The following ASH2L variants were observed in gnomAD, a reference collection of about 807,000 sequenced individuals.
ASH2L encodes the protein ASH2 like, histone lysine methyltransferase complex subunit.
In ASH2L, 30 loss-of-function variants were observed where a neutral mutation model predicts 81.1. The ratio of observed to expected loss-of-function variants is 0.37; its 90% CI spans 0.28 to 0.50. The LOEUF (loss-of-function observed/expected upper bound fraction) is 0.50, where lower values mean the gene tolerates loss of function less well. ASH2L is among the 20% of genes least tolerant of loss of function. The pLI is 0.95. For missense variants in ASH2L, 559 were observed against 792.1 expected (o/e 0.71, Z 3.53); for synonymous variants, 273 against 279.9 (o/e 0.98, Z 0.24).
intron 10 of ASH2L, among the ~76,000 whole-genome samples, chr8:38,127,606 C>T (rs1036092713): frequency 2.6e-5 from 4 of 151,064 alleles, no homozygotes; most frequent in Non-Finnish European, 4.4e-5. Context: ...ATTAGCTGGG[C>T]GTGGTGGTGG....
intron 12 of ASH2L, among the ~76,000 whole-genome samples, chr8:38,130,536 A>AT (rs1802016296): frequency 6.6e-6 from 1 of 151,810 alleles, no homozygotes; most frequent in South Asian, 2.1e-4. Context: ...ATATTCTCCC[A>AT]TGTTTTCCTT....
At chr8:38,108,997 G>C (rs1171466989) in intron 3 of ASH2L, among the ~76,000 whole-genome samples, 1 of 152,064 alleles carries the variant, frequency 6.6e-6, no homozygotes, top group African/African-American at 2.4e-5. Context: ...TGGGAGGATT[G>C]CTTAAGCCCT....
At chr8:38,134,519 T>G (rs1802179912) in intron 13 of ASH2L, among the ~76,000 whole-genome samples, 2 of 152,098 alleles carry the variant, frequency 1.3e-5, no homozygotes, top group South Asian at 4.1e-4. Context: ...TTTCTCTGCC[T>G]CCACTTCCGG....
intron 12 of ASH2L, among the ~76,000 whole-genome samples, chr8:38,130,736 T>C (rs1282077847): frequency 6.6e-6 from 1 of 152,094 alleles, no homozygotes; most frequent in Non-Finnish European, 1.5e-5. Flanking sequence ...TTAGCTGGGA[T>C]TACAGGCACC....
In ASH2L at chr8:38,128,732, TC is replaced by T. The variant is rs1335967166; in HGVS notation, c.1334-24del. 3.1e-6 allele frequency: 5 copies of T among 1,594,108 alleles called. No homozygotes were observed. In the South Asian group the frequency reaches 5.8e-5, roughly 18 times the overall value. On this transcript the variant is annotated intron_variant, in intron 11 of 15. Coordinates refer to ENST00000343823, the MANE Select transcript of ASH2L (RefSeq NM_004674.5). The stretch of plus-strand genomic sequence containing the variant: ...AGATTTGACTTGCAATCTTCTGACT[TC>T]CTGTGTATGTTTTTATTGGGACAGG...
intron 10 of ASH2L, among the ~76,000 whole-genome samples, chr8:38,126,142 G>A (rs1801836168): frequency 6.6e-6 from 1 of 151,810 alleles, no homozygotes; most frequent in African/African-American, 2.4e-5. Context: ...GCCAGAGGTT[G>A]CAGTGAGCCG....
At chr8:38,129,185 A>C (rs1455073070) in intron 12 of ASH2L, among the ~76,000 whole-genome samples, 1 of 152,214 alleles carries the variant, frequency 6.6e-6, no homozygotes, top group African/African-American at 2.4e-5. Context: ...AAAATGACAG[A>C]CATCAGGACA....
chr8:38,110,305 C>G (rs1272408038), intron 3 of ASH2L, 74 bp from the exon 4 acceptor site: 7 of 1,158,318 alleles, frequency 6.0e-6, no homozygotes, highest in East Asian at 2.3e-5. Flanking sequence ...GAGTGAGAGC[C>G]TGTCTTTAAA....
At chr8:38,124,978 CAG>C (rs2130539173) in intron 10 of ASH2L, among the ~76,000 whole-genome samples, 1 of 152,270 alleles carries the variant, frequency 6.6e-6, no homozygotes, top group Admixed American at 6.5e-5. Context: ...GGAAGCAAGA[CAG>C]GGAGGGAGGT....
rs762306891 is a variant in ASH2L, at chr8:38,105,638, G to C, written c.88G>C (p.Gly30Arg). 4 of 1,602,252 alleles carry C rather than the reference G, an allele frequency of 2.5e-6. No homozygotes were observed. The highest frequency in any genetic ancestry group is 2.3e-5 in the East Asian group (1 of 44,346). The change falls in exon 1 of 16, where the codon GGG becomes CGG. Residue 30 changes from glycine (G) to arginine (R), a missense_variant. Physicochemically the swap from Gly to Arg is moderately radical, Grantham distance 125. Coordinates refer to ENST00000343823, the MANE Select transcript of ASH2L (RefSeq NM_004674.5). The part of the protein sequence containing the change: ...AVANATGAEE[G>R]EMKPVAAGAA... The stretch of plus-strand genomic sequence containing the variant: ...CGCAAATGCAACAGGGGCAGAAGAG[G>C]GGGAGATGAAGCCGGTGGCAGCGGG...
intron 1 of ASH2L, 25 bp from the exon 2 acceptor site, chr8:38,106,353 C>T (rs754549500): frequency 6.2e-7 from 1 of 1,610,170 alleles, no homozygotes; most frequent in Non-Finnish European, 8.5e-7. Flanking sequence ...AGAATTCTTA[C>T]TTGAGCGCTT....
At position 38,105,663 on chromosome 8, in the gene ASH2L, G is replaced by A; in HGVS notation, c.113G>A (p.Gly38Glu). The change falls in exon 1 of 16, where the codon GGA (glycine) becomes GAA (glutamate). Residue 38 changes from glycine to glutamate, a missense_variant. By Grantham distance (98) the Gly-to-Glu change is moderately conservative. Around this residue, in one of 4 missense-constraint regions of ASH2L, gnomAD observed 145 missense variants for 115.5 expected, o/e 1.26. Coordinates refer to ENST00000343823, the MANE Select transcript of ASH2L (RefSeq NM_004674.5). ...GGGGAGATGAAGCCGGTGGCAGCGG[G>A]AGCAGCCGCTCCTCCTGGAGAGGGG... The part of the protein sequence containing the change: ...EEGEMKPVAA[G>E]AAAPPGEGIS... 6.3e-7 allele frequency: 1 copy of A among 1,592,392 alleles called. No individual in the cohort carries two copies. Among genetic ancestry groups the A allele is most frequent in the Non-Finnish European group, 8.5e-7 (1 of 1,171,136 alleles).
intron 10 of ASH2L, chr8:38,124,249 C>T (rs1801742871): frequency 6.6e-6 from 1 of 152,010 alleles, no homozygotes; most frequent in Admixed American, 6.6e-5. Flanking sequence ...TTCTGTCACC[C>T]AGGCTGGAGT....
chr8:38,123,082 CTTTTTT>C (rs59410420), intron 10 of ASH2L, among the ~76,000 whole-genome samples: 6 of 100,914 alleles, frequency 5.9e-5, no homozygotes, highest in South Asian at 3.6e-4. Context: ...TTCAGAATTT[CTTTTTT>C]TTTTTTTTTT....
intron 10 of ASH2L, among the ~76,000 whole-genome samples, chr8:38,125,993 C>A (rs746926739): frequency 4.2e-4 from 64 of 152,022 alleles, no homozygotes; most frequent in Non-Finnish European, 5.9e-4. Flanking sequence ...AACCGGAGGT[C>A]AGGAGTTTGA....
At position 38,128,317 on chromosome 8, in the gene ASH2L, C is replaced by CGGCT; in HGVS notation, c.1194_1197dup (p.Thr400AlafsTer26). ...TCCCCAGTTAAAGATCTCAGATGACCGGCTGACTGTGGTTGGAGAGAAGGG... is the reference window on the plus strand; with the variant it reads ...TCCCCAGTTAAAGATCTCAGATGACCGGCTGGCTGACTGTGGTTGGAGAGAAGGG... On this transcript the variant is annotated frameshift_variant, in exon 11 of 16. Coordinates refer to ENST00000343823, the MANE Select transcript of ASH2L (RefSeq NM_004674.5). LOFTEE classifies it high-confidence loss of function. The CGGCT allele has an allele frequency of 6.2e-7, 1 of 1,614,074 alleles. No homozygotes were observed. Among genetic ancestry groups the CGGCT allele is most frequent in the Non-Finnish European group, 8.5e-7 (1 of 1,180,018 alleles).
chr8:38,128,748 A>G lies in ASH2L; in HGVS notation c.1334-10A>G. On this transcript the variant is annotated splice_polypyrimidine_tract_variant and intron_variant, in intron 11 of 15. Coordinates refer to ENST00000343823, the MANE Select transcript of ASH2L (RefSeq NM_004674.5). ...CTTCTGACTTCCTGTGTATGTTTTTATTGGGACAGGAAACCTTCAAGCTCC... is the reference window on the plus strand; with the variant it reads ...CTTCTGACTTCCTGTGTATGTTTTTGTTGGGACAGGAAACCTTCAAGCTCC... The G allele has an allele frequency of 6.2e-7, 1 of 1,602,890 alleles. No homozygotes were observed. Among genetic ancestry groups the G allele is most frequent in the Non-Finnish European group, 8.5e-7 (1 of 1,177,700 alleles).
intron 10 of ASH2L, among the ~76,000 whole-genome samples, chr8:38,123,678 C>T (rs1001539696): frequency 3.3e-5 from 5 of 152,128 alleles, no homozygotes; most frequent in Admixed American, 6.6e-5. Flanking sequence ...CTGTACAGAA[C>T]GGTTTACAAA....
At chr8:38,125,840 G>A (rs541281153) in intron 10 of ASH2L, among the ~76,000 whole-genome samples, 6 of 152,258 alleles carry the variant, frequency 3.9e-5, no homozygotes, top group African/African-American at 1.4e-4. Flanking sequence ...CATATATGAT[G>A]CACTGAGGGG....
Sources: gnomAD v4.1 joint callset for allele counts (sites outside exome capture counted in the v4.1 genomes callset) on GRCh38, gnomAD v4.1.1 for gene constraint, gnomAD v4.1.1 regional missense constraint, MANE v1.5 for transcripts, NCBI Gene and HGNC (gene_info 2026-07-23, HGNC 2026-07-21) for gene names.